Variants in TFDP2 observed in about 807,000 individuals in gnomAD.
TFDP2 encodes transcription factor Dp-2.
TFDP2 carries 17 observed loss-of-function variants against 59.3 expected under a neutral mutation model. That is an observed-to-expected ratio of 0.29 (90% CI 0.20 to 0.43). The LOEUF is 0.43. Ranked by LOEUF, TFDP2 falls within the 20% of genes least tolerant of loss-of-function variation. The pLI is 1.00. For missense variants in TFDP2, 391 were observed against 528.8 expected, an observed-to-expected ratio of 0.74 and a Z score of 2.56; for synonymous variants, 180 against 194.7, an observed-to-expected ratio of 0.92 and a Z score of 0.63.
chr3:141,961,250 T>G lies in TFDP2; in HGVS notation c.885-1410A>C, dbSNP rs566261129. On this transcript the variant is annotated intron_variant, in intron 10 of 12. Coordinates refer to ENST00000489671, the MANE Select transcript of TFDP2 (RefSeq NM_001178139.2). ...CAGTTTTTTGTTGTTTTTTTTTTTT[T>G]TTTTTTTTTTTGAGACAGAGTCTTG... Among the ~76,000 whole-genome samples, 198 of 144,234 alleles carry G rather than the reference T, an allele frequency of 1.4e-3. 1 individual carries two copies. Among genetic ancestry groups the G allele is most frequent in the South Asian group, 8.5e-3 (37 of 4,368 alleles). 94.6% of individuals were successfully genotyped at this position (144,234 alleles called of 152,430 possible).
At chr3:142,136,322 T>C (rs1049724031) in intron 1 of TFDP2, among the ~76,000 whole-genome samples, 1 of 152,092 alleles carries the variant, frequency 6.6e-6, no homozygotes, top group African/African-American at 2.4e-5. Flanking sequence ...GATGGGTAGA[T>C]TGCAAAAATT....
intron 3 of TFDP2, among the ~76,000 whole-genome samples, chr3:142,074,207 G>A (rs2060359859): frequency 1.3e-5 from 2 of 151,324 alleles, no homozygotes; most frequent in Non-Finnish European, 1.5e-5. Context: ...TCAGGAGTTC[G>A]AGACCAGACT....
intron 1 of TFDP2, among the ~76,000 whole-genome samples, chr3:142,117,484 A>G: frequency 6.6e-6 from 1 of 151,968 alleles, no homozygotes; most frequent in South Asian, 2.1e-4. Context: ...AAGCCTGTGG[A>G]TGTATAGGGA....
rs781680813 is a variant in TFDP2 at position 141,959,659 on chromosome 3, C to T, written c.1051+15G>A. On this transcript the variant is annotated intron_variant, in intron 11 of 12. Transcript: ENST00000489671. ...TTTAATCAGGGACAACACATGAAAG[C>T]ATCAGTTAACATACCTGTGATATAA... 3.9e-5 allele frequency: 62 copies of T among 1,609,174 alleles called. No individual in the cohort carries two copies. The South Asian group carries it at 6.1e-4, about 16-fold the overall frequency.
At chr3:141,957,798 G>T (rs2107861702) in intron 11 of TFDP2, among the ~76,000 whole-genome samples, 1 of 152,294 alleles carries the variant, frequency 6.6e-6, no homozygotes, top group Middle Eastern at 3.4e-3. Flanking sequence ...TAGATTAGTG[G>T]TTGCCAGGGG....
rs149824505 is a variant in TFDP2, at chr3:142,118,977, T to C, written c.-92-17136A>G. ...GGAGTTTGACACCAGCTGACCAACATGGTGAAACCCATCTCCACTAAAAAT... is the reference window on the plus strand; with the variant it reads ...GGAGTTTGACACCAGCTGACCAACACGGTGAAACCCATCTCCACTAAAAAT... On this transcript the variant is annotated intron_variant, in intron 1 of 12. Transcript: ENST00000489671. Among the ~76,000 whole-genome samples the C allele has an allele frequency of 8.1e-3, 1,238 of 152,176 alleles. 22 individuals are homozygous for C. Among genetic ancestry groups the C allele is most frequent in the Non-Finnish European group, 6.9e-3 (472 of 68,000 alleles).
rs549293583 is a variant in TFDP2, at chr3:142,098,516, AT to A, written c.15+3218del. ...AATCTTAGAGGCTCAAAGTGGGCTC[AT>A]GACTCAAAGCCTGGCCACTTACCGT... On this transcript the variant is annotated intron_variant, in intron 2 of 12. Transcript: ENST00000489671. 4.9e-3 allele frequency among the ~76,000 whole-genome samples: 746 copies of A among 152,164 alleles called. 3 individuals are homozygous for A. Among genetic ancestry groups the A allele is most frequent in the Non-Finnish European group, 8.1e-3 (548 of 68,008 alleles).
At chr3:141,981,525 C>G (rs1179583535) in intron 6 of TFDP2, among the ~76,000 whole-genome samples, 1 of 152,160 alleles carries the variant, frequency 6.6e-6, no homozygotes, top group East Asian at 1.9e-4. Flanking sequence ...GATATCTACT[C>G]TCCTTTCCCT....
chr3:142,053,193 T>C (rs1259638564), intron 3 of TFDP2, among the ~76,000 whole-genome samples: 10 of 152,214 alleles, frequency 6.6e-5, no homozygotes, highest in African/African-American at 2.2e-4. Flanking sequence ...TTTAGATGTT[T>C]GTCCGCTCCA....
At chr3:142,038,412 A>G (rs1056404469) in intron 3 of TFDP2, among the ~76,000 whole-genome samples, 6 of 150,828 alleles carry the variant, frequency 4.0e-5, no homozygotes, top group African/African-American at 1.5e-4. Flanking sequence ...AAAAAAGAGA[A>G]TAAGTAGAAA....
chr3:141,975,608 C>T (rs1376489173), intron 7 of TFDP2, among the ~76,000 whole-genome samples: 1 of 150,732 alleles, frequency 6.6e-6, no homozygotes, highest in Non-Finnish European at 1.5e-5. Context: ...GCAGGAAAAT[C>T]GCTTGAATCC....
Position 142,093,226 on chromosome 3 carries a change from T to A in TFDP2, c.16-99A>T, listed in dbSNP as rs1576963503. 11 of 675,530 alleles carry A rather than the reference T, an allele frequency of 1.6e-5. No homozygotes were observed. In the East Asian group the frequency reaches 3.2e-4, roughly 19 times the overall value. The allele number at this position is 675,530 out of a possible 1,614,324, so 41.8% of individuals were successfully genotyped here. On this transcript the variant is annotated intron_variant, in intron 2 of 12. Transcript: ENST00000489671. ...TCTTCCATCAGACATCCATATCAAA[T>A]ATATATAGCCACATCAAATGAATTA...
chr3:142,067,001 TACTC>T (rs2060094025), intron 3 of TFDP2, among the ~76,000 whole-genome samples: 1 of 152,088 alleles, frequency 6.6e-6, no homozygotes, highest in Non-Finnish European at 1.5e-5. Flanking sequence ...AAGGAAAACT[TACTC>T]AACCTGATAA....
At chr3:142,020,702 G>C (rs948501685) in intron 3 of TFDP2, among the ~76,000 whole-genome samples, 4 of 150,912 alleles carry the variant, frequency 2.7e-5, no homozygotes, top group African/African-American at 9.7e-5. Context: ...AAAGTTTTCA[G>C]GCTAGGTGTG....
chr3:142,003,579 A>C (rs1282469485), intron 4 of TFDP2, among the ~76,000 whole-genome samples: 1 of 152,240 alleles, frequency 6.6e-6, no homozygotes, highest in Non-Finnish European at 1.5e-5. Flanking sequence ...AAGAGACAGC[A>C]ATGGAATCTT....
chr3:142,082,653 C>T (rs1000267515), intron 3 of TFDP2, among the ~76,000 whole-genome samples: 2 of 152,162 alleles, frequency 1.3e-5, no homozygotes, highest in East Asian at 3.8e-4. Flanking sequence ...TTCAACAACA[C>T]ATTAAAAAGA....
rs956609826 is a variant in TFDP2 at position 141,950,243 on chromosome 3, G to C, written c.*2270C>G. 7 of 152,144 alleles carry C rather than the reference G, an allele frequency of 4.6e-5. No individual in the cohort carries two copies. The highest frequency in any genetic ancestry group is 8.8e-5 in the Non-Finnish European group (6 of 68,050). 9.4% of individuals were successfully genotyped at this position (152,144 alleles called of 1,614,324 possible). ...TGAACAGCTCAACCTAGTTTCTAAA[G>C]GCAAGATTTTACTCCAGCGACATGT... On this transcript the variant is annotated 3_prime_UTR_variant, in exon 13 of 13. Coordinates refer to ENST00000489671, the MANE Select transcript of TFDP2 (RefSeq NM_001178139.2).
At chr3:142,066,362 T>C (rs925528474) in intron 3 of TFDP2, among the ~76,000 whole-genome samples, 2 of 152,234 alleles carry the variant, frequency 1.3e-5, no homozygotes, top group African/African-American at 4.8e-5. Context: ...ATGAAAATAT[T>C]GTAAGTTGGA....
At chr3:141,986,117 T>A (rs536419741) in intron 6 of TFDP2, among the ~76,000 whole-genome samples, 1 of 152,192 alleles carries the variant, frequency 6.6e-6, no homozygotes, top group African/African-American at 2.4e-5. Context: ...GCTTAGTCTA[T>A]AAAAGATGGC....
Sources: gnomAD v4.1 joint callset for allele counts (sites outside exome capture counted in the v4.1 genomes callset) on GRCh38, gnomAD v4.1.1 for gene constraint, MANE v1.5 for transcripts, NCBI Gene and HGNC (gene_info 2026-07-23, HGNC 2026-07-21) for gene names.